The following PSMB2 variants were observed in gnomAD, a reference collection of about 807,000 sequenced individuals.
PSMB2 encodes proteasome 20S subunit beta 2.
Under a neutral mutation model 25.7 loss-of-function variants are expected in PSMB2, and 13 were observed. That is an observed-to-expected ratio of 0.51 (90% CI 0.33 to 0.80). The LOEUF (loss-of-function observed/expected upper bound fraction) is 0.80, where lower values mean the gene tolerates loss of function less well. PSMB2 is among the 30% of genes least tolerant of loss of function. The pLI is 0.02. For missense variants in PSMB2, 202 were observed against 259.0 expected (o/e 0.78, Z 1.51); for synonymous variants, 87 against 96.2 (o/e 0.90, Z 0.56).
chr1:35,614,716 A>C (rs1166015489), intron 3 of PSMB2, among the ~76,000 whole-genome samples: 1 of 152,248 alleles, frequency 6.6e-6, no homozygotes, highest in East Asian at 1.9e-4. Flanking sequence ...AATGGTCTGC[A>C]ATGCAAACAC....
chr1:35,622,723 C>A (rs1236793172), intron 3 of PSMB2, among the ~76,000 whole-genome samples: 2 of 151,210 alleles, frequency 1.3e-5, no homozygotes, highest in Non-Finnish European at 2.9e-5. Flanking sequence ...TCACATACAA[C>A]CCCCTGGAGA....
chr1:35,631,638 G>A, intron 2 of PSMB2: 1 of 425,346 alleles, frequency 2.4e-6, no homozygotes, highest in Non-Finnish European at 3.4e-6. Context: ...TGTGGTTTCT[G>A]CCGTAGAAGG....
chr1:35,600,644 G>T lies in PSMB2; in HGVS notation c.*2623C>A. ...GGTAAGGCTCAGCTTTAGACATACT[G>T]AGTTCGATGTCCCTAAATCTGGAGG... On this transcript the variant is annotated 3_prime_UTR_variant, in exon 6 of 6. Coordinates refer to ENST00000373237, the MANE Select transcript of PSMB2 (RefSeq NM_002794.5). 2 of 985,374 alleles carry T rather than the reference G, an allele frequency of 2.0e-6. No individual in the cohort carries two copies. The highest frequency in any genetic ancestry group is 1.2e-6 in the Non-Finnish European group (1 of 829,928). 61.0% of individuals were successfully genotyped at this position (985,374 alleles called of 1,614,324 possible). A position where few individuals can be genotyped will look rare whatever the true frequency, so the allele number is the denominator to read the frequency against.
chr1:35,640,633 G>A (rs1252876968), intron 1 of PSMB2, among the ~76,000 whole-genome samples: 2 of 151,842 alleles, frequency 1.3e-5, no homozygotes, highest in African/African-American at 4.9e-5. Context: ...AGCGACACCA[G>A]GAAACTTATC....
At chr1:35,639,917 T>G (rs1433299156) in intron 1 of PSMB2, among the ~76,000 whole-genome samples, 1 of 152,164 alleles carries the variant, frequency 6.6e-6, no homozygotes, top group Non-Finnish European at 1.5e-5. Flanking sequence ...CATTAACCTT[T>G]TGAGATAGGT....
At chr1:35,627,688 T>C (rs1650906606) in intron 3 of PSMB2, among the ~76,000 whole-genome samples, 1 of 152,172 alleles carries the variant, frequency 6.6e-6, no homozygotes, top group African/African-American at 2.4e-5. Flanking sequence ...CCTTATTTAA[T>C]CTTCATAATA....
Position 35,605,254 on chromosome 1 carries a change from G to A in PSMB2, c.477C>T (p.Leu159=). 6.2e-7 allele frequency: 1 copy of A among 1,613,082 alleles called. No individual in the cohort carries two copies. Among genetic ancestry groups the A allele is most frequent in the Non-Finnish European group, 8.5e-7 (1 of 1,179,602 alleles). Residue 159 remains leucine, a synonymous_variant, in exon 5 of 6, where the codon CTC becomes CTT. Coordinates refer to ENST00000373237, the MANE Select transcript of PSMB2 (RefSeq NM_002794.5). ...PTISRERAVE[L]LRKCLEELQK... ...TCACCTCCTCCAGACATTTCCTAAG[G>A]AGTTCCACTGCCCTCTCACGTGAGA...
At chr1:35,617,991 T>G (rs1276930308) in intron 3 of PSMB2, among the ~76,000 whole-genome samples, 1 of 152,146 alleles carries the variant, frequency 6.6e-6, no homozygotes, top group Non-Finnish European at 1.5e-5. Flanking sequence ...AATAGAAGAC[T>G]TTTAGAAAGG....
At position 35,602,070 on chromosome 1, in the gene PSMB2, C is replaced by T. The variant is rs553326215; in HGVS notation, c.*1197G>A. 4.7e-5 allele frequency: 23 copies of T among 488,908 alleles called. No homozygotes were observed. In the African/African-American group the frequency reaches 4.8e-4, roughly 10 times the overall value. The allele number at this position is 488,908 out of a possible 1,614,324, so 30.3% of individuals were successfully genotyped here. A position where few individuals can be genotyped will look rare whatever the true frequency, so the allele number is the denominator to read the frequency against. ...CTTTTTAGCCGGGCACGGTGGCTCA[C>T]GCCTGTAATCCCAGCACTGGGAAGC... is the stretch of plus-strand genomic sequence containing the variant. On this transcript the variant is annotated 3_prime_UTR_variant, in exon 6 of 6. Coordinates refer to ENST00000373237, the MANE Select transcript of PSMB2 (RefSeq NM_002794.5).
At chr1:35,640,046 C>T (rs1651347006) in intron 1 of PSMB2, among the ~76,000 whole-genome samples, 1 of 93,444 alleles carries the variant, frequency 1.1e-5, no homozygotes, top group African/African-American at 3.9e-5. Context: ...GACATTTTGC[C>T]CCTAAGTACT....
At chr1:35,619,959 CT>C (rs913859169) in intron 3 of PSMB2, among the ~76,000 whole-genome samples, 12 of 151,590 alleles carry the variant, frequency 7.9e-5, no homozygotes, top group East Asian at 5.8e-4. Flanking sequence ...CACTTGAATT[CT>C]TTTTTTTTCA....
chr1:35,618,577 G>A (rs1447037387), intron 3 of PSMB2, among the ~76,000 whole-genome samples: 1 of 152,060 alleles, frequency 6.6e-6, no homozygotes, highest in Non-Finnish European at 1.5e-5. Flanking sequence ...CCTGATAAAC[G>A]CTGAGTTTAA....
chr1:35,619,602 A>C (rs1318301035), intron 3 of PSMB2, among the ~76,000 whole-genome samples: 1 of 152,208 alleles, frequency 6.6e-6, no homozygotes, highest in Non-Finnish European at 1.5e-5. Context: ...CAACCAAAAA[A>C]ATTTAAATAT....
intron 3 of PSMB2, among the ~76,000 whole-genome samples, chr1:35,625,308 C>T (rs372675400): frequency 2.2e-4 from 34 of 152,322 alleles, no homozygotes; most frequent in African/African-American, 7.2e-4. Flanking sequence ...GACGATTACA[C>T]ATCATGGAGG....
At chr1:35,624,256 C>T (rs1445568866) in intron 3 of PSMB2, among the ~76,000 whole-genome samples, 4 of 152,172 alleles carry the variant, frequency 2.6e-5, no homozygotes, top group Non-Finnish European at 5.9e-5. Context: ...CTGGAACAAA[C>T]CCTAAAAACC....
chr1:35,624,087 G>C (rs940007541), intron 3 of PSMB2, among the ~76,000 whole-genome samples: 11 of 152,194 alleles, frequency 7.2e-5, no homozygotes, highest in East Asian at 5.8e-4. Flanking sequence ...ATTAAGGCCA[G>C]AGTGTGGGGA....
At chr1:35,605,157 A>AT in intron 5 of PSMB2, 76 bp downstream of exon 5, 1 of 1,443,498 alleles carries the variant, frequency 6.9e-7, no homozygotes. Flanking sequence ...CTGAAAAAAT[A>AT]TAACTGAGGA....
intron 3 of PSMB2, among the ~76,000 whole-genome samples, chr1:35,628,711 C>T (rs1650993948): frequency 7.0e-6 from 1 of 143,394 alleles, no homozygotes; most frequent in African/African-American, 2.6e-5. Flanking sequence ...GCCTCCTCCT[C>T]TCAATCCTAC....
Position 35,599,820 on chromosome 1 carries a change from G to C in PSMB2, c.*3447C>G, listed in dbSNP as rs1649937415. ...CTAAGAAACGATAGGGGGTGAACCA[G>C]AGTAATGGGGATGGAGATTTATAAA... On this transcript the variant is annotated 3_prime_UTR_variant, in exon 6 of 6. Coordinates refer to ENST00000373237, the MANE Select transcript of PSMB2 (RefSeq NM_002794.5). 1 of 985,050 alleles carries C rather than the reference G, an allele frequency of 1.0e-6. No homozygotes were observed. The highest frequency in any genetic ancestry group is 6.2e-5 in the Admixed American group (1 of 16,254). The allele number at this position is 985,050 out of a possible 1,614,324, so 61.0% of individuals were successfully genotyped here. A position where few individuals can be genotyped will look rare whatever the true frequency, so the allele number is the denominator to read the frequency against.
Sources: gnomAD v4.1 joint callset for allele counts (sites outside exome capture counted in the v4.1 genomes callset) on GRCh38, gnomAD v4.1.1 for gene constraint, MANE v1.5 for transcripts, NCBI Gene and HGNC (gene_info 2026-07-23, HGNC 2026-07-21) for gene names.